The following KIAA0586 variants were observed in gnomAD, a reference collection of about 807,000 sequenced individuals.
The protein encoded by KIAA0586 is KIAA0586, also known as protein TALPID3.
Under a neutral mutation model 169.8 loss-of-function variants are expected in KIAA0586, and 144 were observed. The ratio of observed to expected loss-of-function variants is 0.85; its 90% confidence interval spans 0.74 to 0.97. KIAA0586 has a LOEUF of 0.97. Ranked by LOEUF, KIAA0586 falls within the 50% of genes least tolerant of loss-of-function variation. The pLI, the probability that KIAA0586 is intolerant of heterozygous loss-of-function variation, is 0.00. For missense variants in KIAA0586, 1,854 were observed against 1,823.0 expected (o/e 1.02, Z -0.31); for synonymous variants, 625 against 612.4 (o/e 1.02, Z -0.30).
intron 29 of KIAA0586, among the ~76,000 whole-genome samples, chr14:58,535,901 T>G (rs2140056998): frequency 6.6e-6 from 1 of 152,222 alleles, no homozygotes; most frequent in Middle Eastern, 3.4e-3. Context: ...GTTAACAGCC[T>G]TATAGTTTTA....
intron 22 of KIAA0586, among the ~76,000 whole-genome samples, 180 bp downstream of exon 22, chr14:58,487,346 C>T (rs961310927): frequency 6.6e-6 from 1 of 152,290 alleles, no homozygotes; most frequent in South Asian, 2.1e-4. Flanking sequence ...TGGTGGCTCA[C>T]GCCTGTAATC....
chr14:58,450,592 A>T lies in KIAA0586; in HGVS notation c.975A>T (p.Glu325Asp). 3.1e-6 allele frequency: 5 copies of T among 1,602,534 alleles called. No individual in the cohort carries two copies. The highest frequency in any genetic ancestry group is 1.3e-5 in the African/African-American group (1 of 74,292). The change falls in exon 8 of 31, where the codon GAA (glutamate) becomes GAT (aspartate). Residue 325 changes from glutamate to aspartate, a missense_variant. Glu to Asp is a conservative substitution (Grantham distance 45, BLOSUM62 2). Coordinates refer to ENST00000652326, the MANE Select transcript of KIAA0586 (RefSeq NM_001329943.3). ...TTTCTGTTAAAGCACCTTTAAAAGA[A>T]GTTGAAGATACGAGTTTTGATAAAC... is the stretch of plus-strand genomic sequence containing the variant. Reference protein sequence around the residue: ...TFASKQAPLKEVEDTSFDKQK... With the variant: ...TFASKQAPLKDVEDTSFDKQK...
At chr14:58,497,260 A>ACC (rs1270756253) in intron 26 of KIAA0586, among the ~76,000 whole-genome samples, 1 of 152,056 alleles carries the variant, frequency 6.6e-6, no homozygotes, top group African/African-American at 2.4e-5. Context: ...GGCGTGACCC[A>ACC]CCATGCCCAG....
chr14:58,443,516 G>T (rs536640529), intron 5 of KIAA0586, among the ~76,000 whole-genome samples: 1 of 152,166 alleles, frequency 6.6e-6, no homozygotes, highest in Non-Finnish European at 1.5e-5. Flanking sequence ...TCCGCCTCCT[G>T]GGTTCACGTG....
rs779840694 is a variant in KIAA0586 at position 58,465,950 on chromosome 14, T to A, written c.2175T>A (p.Tyr725Ter). The stretch of plus-strand genomic sequence containing the variant: ...TGTTACCTCATGGCGATCAGCAATA[T>A]TTGTTCAGCCCAAGTAGAGAAATGC... ...VPVLPHGDQQYLFSPSREMPT... is the reference protein window; with the variant it reads ...VPVLPHGDQQ The change falls in exon 15 of 31, where the codon TAT becomes TAA. Residue 725 changes from tyrosine to a stop codon, truncating the protein, a stop_gained. Transcript: ENST00000652326. LOFTEE classifies it high-confidence loss of function. The A allele has an allele frequency of 6.2e-7, 1 of 1,613,510 alleles. No homozygotes were observed. The highest frequency in any genetic ancestry group is 8.5e-7 in the Non-Finnish European group (1 of 1,179,586).
At chr14:58,441,382 G>A (rs1275468441) in intron 4 of KIAA0586, 8 of 389,180 alleles carry the variant, frequency 2.1e-5, no homozygotes, top group Non-Finnish European at 2.6e-5. Context: ...TGTATTTTTT[G>A]TAGAGTCAGG....
intron 29 of KIAA0586, among the ~76,000 whole-genome samples, chr14:58,523,719 ATATTATTATTAT>A (rs542449532): frequency 6.7e-6 from 1 of 149,040 alleles, no homozygotes; most frequent in African/African-American, 2.5e-5. Context: ...TTTTAATTGA[ATATTATTATTAT>A]TATTATTATT....
chr14:58,462,246 CTTTT>C (rs10597707), intron 14 of KIAA0586, among the ~76,000 whole-genome samples: 13 of 89,444 alleles, frequency 1.5e-4, no homozygotes, highest in Admixed American at 1.2e-4. Flanking sequence ...TGTAGTTTTG[CTTTT>C]TTTTTTTTTT....
intron 5 of KIAA0586, 66 bp downstream of exon 5, chr14:58,442,946 A>T: frequency 8.7e-7 from 1 of 1,144,976 alleles, no homozygotes; most frequent in South Asian, 1.6e-5. Context: ...CTAAGAACTG[A>T]TTCTATAAAT....
intron 29 of KIAA0586, among the ~76,000 whole-genome samples, chr14:58,528,650 A>G (rs2045753984): frequency 1.3e-5 from 2 of 152,240 alleles, no homozygotes; most frequent in African/African-American, 4.8e-5. Flanking sequence ...AGTGCTTTGA[A>G]ACCAATGAGA....
At chr14:58,484,920 A>ATATTTATATATATT (rs2042324732) in intron 21 of KIAA0586, among the ~76,000 whole-genome samples, 1 of 22,176 alleles carries the variant, frequency 4.5e-5, no homozygotes, top group Non-Finnish European at 8.3e-5. Flanking sequence ...ATATATATAT[A>ATATTTATATATATT]TATATTTTTT....
At chr14:58,473,900 C>G (rs2041411948) in intron 18 of KIAA0586, among the ~76,000 whole-genome samples, 1 of 151,748 alleles carries the variant, frequency 6.6e-6, no homozygotes, top group Admixed American at 6.6e-5. Flanking sequence ...GAGTGAAACT[C>G]TGTCTTAAAG....
rs1159794982 is a variant in KIAA0586, at chr14:58,465,945, C to T, written c.2170C>T (p.Gln724Ter). ...SVPVLPHGDQ[Q>*]YLFSPSREMP... ...TCCTGTGTTACCTCATGGCGATCAG[C>T]AATATTTGTTCAGCCCAAGTAGAGA... Residue 724 changes from glutamine (Q) to a stop codon, truncating the protein, a stop_gained, in exon 15 of 31, where the codon CAA becomes TAA. Transcript: ENST00000652326. LOFTEE classifies it high-confidence loss of function. 1.2e-6 allele frequency: 2 copies of T among 1,612,864 alleles called. No homozygotes were observed. The highest frequency in any genetic ancestry group is 2.7e-5 in the African/African-American group (2 of 74,904).
chr14:58,554,746 A>G (rs540902865), downstream of KIAA0586, among the ~76,000 whole-genome samples: 36 of 152,368 alleles, frequency 2.4e-4, no homozygotes, highest in African/African-American at 7.7e-4. Context: ...TCTGTCACAT[A>G]GTCCATATCC....
At chr14:58,547,691 C>T (rs780446671) in intron 30 of KIAA0586, 90 bp from the exon 31 acceptor site, 15 of 1,098,410 alleles carry the variant, frequency 1.4e-5, no homozygotes, top group Non-Finnish European at 2.0e-5. Context: ...CGCGCCCCCC[C>T]ACCCCAACCT....
At chr14:58,466,954 G>A (rs2040819819) in intron 15 of KIAA0586, among the ~76,000 whole-genome samples, 1 of 152,072 alleles carries the variant, frequency 6.6e-6, no homozygotes, top group Non-Finnish European at 1.5e-5. Flanking sequence ...AAATTGAACA[G>A]ATCATTTTTG....
In KIAA0586 at chr14:58,458,038, A is replaced by T. The variant is rs972637543; in HGVS notation, c.1583+59A>T. On this transcript the variant is annotated intron_variant, in intron 11 of 30. Coordinates refer to ENST00000652326, the MANE Select transcript of KIAA0586 (RefSeq NM_001329943.3). ...AGTCTGTCAGTTCCACTTTCTTCAT[A>T]ATTTTTTTCTAAGCACTGTATTTTC... The T allele has an allele frequency of 5.0e-5, 57 of 1,151,154 alleles. No homozygotes were observed. In the Admixed American group the frequency reaches 1.1e-3, roughly 22 times the overall value. 71.3% of individuals were successfully genotyped at this position (1,151,154 alleles called of 1,614,324 possible).
chr14:58,434,140 A>C (rs186382675), intron 4 of KIAA0586, among the ~76,000 whole-genome samples: 10 of 152,336 alleles, frequency 6.6e-5, no homozygotes, highest in Middle Eastern at 3.4e-3. Flanking sequence ...GAAGTACGTC[A>C]GTGTAATAAG....
downstream of KIAA0586, among the ~76,000 whole-genome samples, chr14:58,553,996 G>A (rs1010674004): frequency 9.9e-5 from 15 of 152,150 alleles, no homozygotes; most frequent in African/African-American, 3.4e-4. Context: ...GATAGTTGAT[G>A]GCCTCACATA....
Sources: allele counts gnomAD v4.1 joint callset (sites outside exome capture counted in the v4.1 genomes callset), GRCh38; gene constraint gnomAD v4.1.1; transcripts MANE v1.5; gene names NCBI Gene and HGNC (gene_info 2026-07-23, HGNC 2026-07-21).